The following LRRC7 variants were observed in gnomAD, a reference collection of about 807,000 sequenced individuals.
The protein encoded by LRRC7 is leucine-rich repeat-containing protein 7.
A neutral mutation model predicts 175.7 loss-of-function variants in LRRC7; 23 were observed. That is an observed-to-expected ratio of 0.13 (90% CI 0.09 to 0.19). The LOEUF is 0.19. Among genes scored for constraint, LRRC7 ranks in the 10% least tolerant of loss-of-function variants. LRRC7 has a pLI of 1.00. For missense variants in LRRC7, 1,354 were observed against 1,904.7 expected (o/e 0.71, Z 5.38); for synonymous variants, 685 against 680.9 (o/e 1.01, Z -0.09).
chr1:69,573,528 G>C (rs554683258), intron 1 of LRRC7, among the ~76,000 whole-genome samples: 1 of 152,150 alleles, frequency 6.6e-6, no homozygotes, highest in Non-Finnish European at 1.5e-5. Context: ...TCATATAAAA[G>C]TACATTATGG....
At chr1:69,958,545 G>C (rs939245789) in intron 8 of LRRC7, among the ~76,000 whole-genome samples, 1 of 151,970 alleles carries the variant, frequency 6.6e-6, no homozygotes, top group Non-Finnish European at 1.5e-5. Context: ...AGGCATGTTT[G>C]TGTGCTGCTG....
intron 7 of LRRC7, among the ~76,000 whole-genome samples, chr1:69,889,945 C>T (rs934551265): frequency 1.3e-5 from 2 of 152,238 alleles, no homozygotes; most frequent in South Asian, 2.1e-4. Flanking sequence ...AATTCAGTCA[C>T]ATCTTCAGGC....
chr1:70,030,754 C>T lies in LRRC7; in HGVS notation c.1995+2383C>T, dbSNP rs189486351. On this transcript the variant is annotated intron_variant, in intron 18 of 26. Transcript: ENST00000651989. ...GGTAGGCATGACCAGAAGTGGAAAA[C>T]GGAAAAAATAAATAAGGTAAAAAGA... is the stretch of plus-strand genomic sequence containing the variant. Among the ~76,000 whole-genome samples, 178 of 151,670 alleles carry T rather than the reference C, an allele frequency of 1.2e-3. 1 individual carries two copies. The highest frequency in any genetic ancestry group is 4.1e-3 in the African/African-American group (169 of 41,370).
At chr1:69,777,778 G>A (rs1672980074) in intron 3 of LRRC7, among the ~76,000 whole-genome samples, 1 of 152,158 alleles carries the variant, frequency 6.6e-6, no homozygotes, top group Non-Finnish European at 1.5e-5. Flanking sequence ...ACTGAAGCCT[G>A]TGTCAGACCT....
Position 70,129,633 on chromosome 1 carries a change from T to C in LRRC7, c.*7746T>C, listed in dbSNP as rs1666588538. ...CGTGGGAATCCATGCTGTCCAATGT[T>C]AGAATGACCCACTCCGAAATGCAAG... On this transcript the variant is annotated 3_prime_UTR_variant, in exon 27 of 27. Coordinates refer to ENST00000651989, the MANE Select transcript of LRRC7 (RefSeq NM_001370785.2). Among the ~76,000 whole-genome samples, 1 of 152,186 alleles carries C rather than the reference T, an allele frequency of 6.6e-6. No individual in the cohort carries two copies. The highest frequency in any genetic ancestry group is 2.4e-5 in the African/African-American group (1 of 41,442).
At chr1:70,117,758 G>A (rs1486560391) in intron 26 of LRRC7, among the ~76,000 whole-genome samples, 1 of 151,762 alleles carries the variant, frequency 6.6e-6, no homozygotes, top group East Asian at 1.9e-4. Flanking sequence ...TTCAACTTAA[G>A]CCATTTATTT....
chr1:69,837,868 A>T (rs1258528147), intron 6 of LRRC7, among the ~76,000 whole-genome samples: 1 of 148,882 alleles, frequency 6.7e-6, no homozygotes, highest in Non-Finnish European at 1.5e-5. Flanking sequence ...GTAAAAAAAA[A>T]TTTGGACATA....
intron 6 of LRRC7, among the ~76,000 whole-genome samples, chr1:69,836,380 A>G (rs1295248654): frequency 6.6e-6 from 1 of 152,036 alleles, no homozygotes; most frequent in Non-Finnish European, 1.5e-5. Flanking sequence ...CCTTTCTGGT[A>G]CTGACCACAG....
chr1:69,898,572 G>A (rs1046448924), intron 7 of LRRC7, among the ~76,000 whole-genome samples: 2 of 152,168 alleles, frequency 1.3e-5, no homozygotes, highest in East Asian at 1.9e-4. Context: ...ACCAAACACT[G>A]AATGCCACAG....
rs1357600107 is a variant in LRRC7, at chr1:69,883,622, G to T, written c.647+45339G>T. Among the ~76,000 whole-genome samples the T allele has an allele frequency of 8.0e-5, 8 of 99,626 alleles. 3 individuals carry two copies. The East Asian group carries it at 3.2e-3, about 40-fold the overall frequency. 65.4% of individuals were successfully genotyped at this position (99,626 alleles called of 152,430 possible). On this transcript the variant is annotated intron_variant, in intron 7 of 26. Transcript: ENST00000651989. ...GTGCAAAAGCTCTTTAGTTTAATTA[G>T]ATCCCATTTGTCAATTTTGTCTTTT...
intron 8 of LRRC7, among the ~76,000 whole-genome samples, chr1:69,954,402 A>T (rs911378672): frequency 6.6e-6 from 1 of 151,996 alleles, no homozygotes; most frequent in African/African-American, 2.4e-5. Context: ...TAAAAGCAAA[A>T]ATAAGTGATT....
chr1:69,856,263 A>G (rs1425854117), intron 7 of LRRC7, among the ~76,000 whole-genome samples: 1 of 152,224 alleles, frequency 6.6e-6, no homozygotes, highest in Non-Finnish European at 1.5e-5. Flanking sequence ...AACTAAAATC[A>G]GAGCAGAACT....
At chr1:69,888,711 G>A (rs931940339) in intron 7 of LRRC7, among the ~76,000 whole-genome samples, 12 of 152,060 alleles carry the variant, frequency 7.9e-5, no homozygotes, top group African/African-American at 2.9e-4. Flanking sequence ...CTCATTTATA[G>A]GTGGAATCTA....
intron 2 of LRRC7, among the ~76,000 whole-genome samples, chr1:69,680,091 C>T (rs1660284481): frequency 6.6e-6 from 1 of 152,064 alleles, no homozygotes; most frequent in South Asian, 2.1e-4. Flanking sequence ...CAGTGGTCCT[C>T]AAATTGTGAT....
intron 1 of LRRC7, among the ~76,000 whole-genome samples, chr1:69,635,384 T>G (rs1465134158): frequency 6.6e-6 from 1 of 152,074 alleles, no homozygotes; most frequent in Admixed American, 6.6e-5. Flanking sequence ...TTTTTAACAA[T>G]GTTTATTATG....
At chr1:69,818,625 G>A (rs576885966) in intron 4 of LRRC7, among the ~76,000 whole-genome samples, 2 of 151,830 alleles carry the variant, frequency 1.3e-5, no homozygotes, top group Non-Finnish European at 2.9e-5. Flanking sequence ...GCTAGTCTTC[G>A]AAATTGGATT....
At chr1:69,781,952 G>GAA (rs759997345) in intron 3 of LRRC7, among the ~76,000 whole-genome samples, 3 of 149,322 alleles carry the variant, frequency 2.0e-5, no homozygotes, top group African/African-American at 7.5e-5. Flanking sequence ...GAAAAGAAAA[G>GAA]AAAGAAAGAA....
At chr1:69,921,321 C>T (rs969553897) in intron 7 of LRRC7, among the ~76,000 whole-genome samples, 1 of 151,860 alleles carries the variant, frequency 6.6e-6, no homozygotes, top group African/African-American at 2.4e-5. Context: ...TGCCTGAGCT[C>T]CAGACACACA....
At chr1:70,049,840 G>C (rs1181224362) in intron 22 of LRRC7, among the ~76,000 whole-genome samples, 1 of 152,024 alleles carries the variant, frequency 6.6e-6, no homozygotes, top group Non-Finnish European at 1.5e-5. Context: ...GGGGGAGATT[G>C]TTTTTAACAA....
Sources: allele counts gnomAD v4.1 joint callset (sites outside exome capture counted in the v4.1 genomes callset), GRCh38; gene constraint gnomAD v4.1.1; transcripts MANE v1.5; gene names NCBI Gene and HGNC (gene_info 2026-07-23, HGNC 2026-07-21).